Variants in ACYP2 observed in about 807,000 individuals in gnomAD.
ACYP2 encodes acylphosphatase-2.
ACYP2 carries 12 observed loss-of-function variants against 11.2 expected under a neutral mutation model. The observed-to-expected ratio is 1.08, with a 90% CI of 0.69 to 1.74. ACYP2 has a LOEUF of 1.74. Ranked by LOEUF, ACYP2 falls within the 40% of genes most tolerant of loss-of-function variation. The probability of loss-of-function intolerance (pLI) is 0.00; values close to 1 mark genes in which losing one functional copy is unlikely to be tolerated. For missense variants in ACYP2, 134 were observed against 101.9 expected, an observed-to-expected ratio of 1.31 and a Z score of -1.35; for synonymous variants, 43 against 32.2, an observed-to-expected ratio of 1.33 and a Z score of -1.13.
At chr2:54,196,439 C>T (rs1472845552) in intron 6 of ACYP2, among the ~76,000 whole-genome samples, 1 of 152,166 alleles carries the variant, frequency 6.6e-6, no homozygotes. Flanking sequence ...CTTTATATGG[C>T]TTTGTTTCTG....
At chr2:54,257,603 G>A (rs766787245) in intron 6 of ACYP2, among the ~76,000 whole-genome samples, 4 of 151,972 alleles carry the variant, frequency 2.6e-5, no homozygotes, top group Non-Finnish European at 5.9e-5. Context: ...TAGAGAAAAG[G>A]TAATAATAAA....
intron 6 of ACYP2, among the ~76,000 whole-genome samples, chr2:54,204,482 A>G (rs895853174): frequency 2.6e-5 from 4 of 152,046 alleles, no homozygotes; most frequent in Admixed American, 6.6e-5. Context: ...TTTTTTCTTA[A>G]AAGTTTATAT....
intron 6 of ACYP2, among the ~76,000 whole-genome samples, chr2:54,258,047 C>T (rs1687631650): frequency 6.6e-6 from 1 of 152,144 alleles, no homozygotes; most frequent in African/African-American, 2.4e-5. Flanking sequence ...TACTGTGTGC[C>T]TGGTACTCTT....
intron 2 of ACYP2, among the ~76,000 whole-genome samples, chr2:53,990,641 C>G (rs1380102937): frequency 7.1e-6 from 1 of 140,412 alleles, no homozygotes; most frequent in Non-Finnish European, 1.5e-5. Context: ...AAGAGCAAAA[C>G]TCCGTCTTAC....
chr2:54,041,952 A>C (rs1675253733), intron 2 of ACYP2, among the ~76,000 whole-genome samples: 1 of 151,116 alleles, frequency 6.6e-6, no homozygotes, highest in Admixed American at 6.6e-5. Flanking sequence ...CACCTCACAC[A>C]GTTCTGGAAT....
At chr2:53,978,276 AAAG>A (rs1362162805) in intron 2 of ACYP2, among the ~76,000 whole-genome samples, 7 of 152,092 alleles carry the variant, frequency 4.6e-5, no homozygotes, top group Non-Finnish European at 7.4e-5. Flanking sequence ...AAAAAAAAAA[AAAG>A]AACTTCTAAT....
chr2:54,161,052 A>G (rs1682688127), intron 6 of ACYP2, among the ~76,000 whole-genome samples: 1 of 152,230 alleles, frequency 6.6e-6, no homozygotes, highest in Admixed American at 6.5e-5. Flanking sequence ...CTTGGGGTCC[A>G]CATTGAGCCT....
intron 6 of ACYP2, among the ~76,000 whole-genome samples, chr2:54,268,968 C>T (rs1388830713): frequency 3.3e-5 from 5 of 151,988 alleles, no homozygotes; most frequent in African/African-American, 1.2e-4. Flanking sequence ...TAATTTAAAC[C>T]TCATAATTAC....
In ACYP2 at chr2:54,304,860, G is replaced by A; in HGVS notation, c.*58G>A. The A allele has an allele frequency of 2.3e-6, 2 of 883,508 alleles. No individual in the cohort carries two copies. Among genetic ancestry groups the A allele is most frequent in the Admixed American group, 2.3e-5 (1 of 43,796 alleles). The allele number at this position is 883,508 out of a possible 1,614,324, so 54.7% of individuals were successfully genotyped here. A position where few individuals can be genotyped will look rare whatever the true frequency, so the allele number is the denominator to read the frequency against. ...AGATACTGTATGTTCTTAAGACTAT[G>A]TATACTAGAATAATAGTAGCAGAGT... On this transcript the variant is annotated 3_prime_UTR_variant, in exon 7 of 7. Transcript: ENST00000607452.
At chr2:54,206,479 G>T (rs1385134008) in intron 6 of ACYP2, among the ~76,000 whole-genome samples, 1 of 152,150 alleles carries the variant, frequency 6.6e-6, no homozygotes, top group Non-Finnish European at 1.5e-5. Flanking sequence ...TAATTAGGTT[G>T]CCTGTCACTT....
intron 6 of ACYP2, among the ~76,000 whole-genome samples, chr2:54,291,667 G>A (rs1006113641): frequency 6.6e-6 from 1 of 152,232 alleles, no homozygotes; most frequent in African/African-American, 2.4e-5. Flanking sequence ...AGCAGTGCCT[G>A]AGGCATCCAT....
chr2:54,219,841 ATGTG>A (rs1685713924), intron 6 of ACYP2, among the ~76,000 whole-genome samples: 1 of 36,700 alleles, frequency 2.7e-5, no homozygotes, highest in Admixed American at 2.0e-4. Flanking sequence ...ATATATGTGT[ATGTG>A]TGTGTATATA....
intron 4 of ACYP2, among the ~76,000 whole-genome samples, chr2:54,104,120 G>C (rs1012619403): frequency 6.6e-6 from 1 of 152,148 alleles, no homozygotes; most frequent in Non-Finnish European, 1.5e-5. Flanking sequence ...AATGAACTTC[G>C]AGCTGTTCCA....
chr2:54,222,378 C>T (rs561038552), intron 6 of ACYP2, among the ~76,000 whole-genome samples: 13 of 151,886 alleles, frequency 8.6e-5, no homozygotes, highest in African/African-American at 3.1e-4. Flanking sequence ...AGCAAAACCC[C>T]GTCTCTACTA....
chr2:54,183,241 T>C (rs1683820577), intron 6 of ACYP2, among the ~76,000 whole-genome samples: 1 of 152,238 alleles, frequency 6.6e-6, no homozygotes, highest in African/African-American at 2.4e-5. Context: ...ATTTAATAAT[T>C]GTTATACATG....
rs1272854814 is a variant in ACYP2 at position 54,083,707 on chromosome 2, C to T, written c.277+26347C>T. 2.6e-5 allele frequency among the ~76,000 whole-genome samples: 4 copies of T among 152,072 alleles called. No homozygotes were observed. The East Asian group carries it at 7.7e-4, about 29-fold the overall frequency. ...GCTGATAATTACTGTTCCCCCATCC[C>T]CCCAAAGGCACAATCTGGACAGAAT... On this transcript the variant is annotated intron_variant, in intron 4 of 6. Coordinates refer to ENST00000607452, the MANE Select transcript of ACYP2 (RefSeq NM_001320586.2).
chr2:54,037,750 T>C (rs1272405771), intron 2 of ACYP2, among the ~76,000 whole-genome samples: 1 of 152,212 alleles, frequency 6.6e-6, no homozygotes, highest in Non-Finnish European at 1.5e-5. Flanking sequence ...GAATAAAATA[T>C]ATAGTAAAAT....
intron 6 of ACYP2, among the ~76,000 whole-genome samples, chr2:54,268,150 C>G (rs1367925649): frequency 6.6e-6 from 1 of 152,162 alleles, no homozygotes; most frequent in African/African-American, 2.4e-5. Context: ...GAAAATGCCC[C>G]TTCCTCCCTA....
chr2:54,036,307 T>C (rs1428883176), intron 2 of ACYP2, among the ~76,000 whole-genome samples: 3 of 152,206 alleles, frequency 2.0e-5, no homozygotes, highest in Non-Finnish European at 4.4e-5. Context: ...GTTGGCAGGC[T>C]GGTGTGGAAC....
Sources: gnomAD v4.1 joint callset for allele counts (sites outside exome capture counted in the v4.1 genomes callset) on GRCh38, gnomAD v4.1.1 for gene constraint, MANE v1.5 for transcripts, NCBI Gene and HGNC (gene_info 2026-07-23, HGNC 2026-07-21) for gene names.